Variants in OR1L8 observed in about 807,000 individuals in gnomAD.
OR1L8 encodes the protein olfactory receptor 1L8.
For synonymous variants in OR1L8, 148 were observed against 147.0 expected (o/e 1.01, Z -0.05); for missense variants, 330 against 377.4 (o/e 0.87, Z 1.04).
chr9:122,578,592 T>C (rs898065281), intron 1 of OR1L8, 147 bp from the exon 2 acceptor site: 6 of 152,004 alleles, frequency 3.9e-5, no homozygotes, highest in African/African-American at 1.5e-4. Context: ...AATCGTGATA[T>C]ATACATATAC....
the OR1L8 span, among the ~76,000 whole-genome samples, chr9:122,551,098 T>C: frequency 2.6e-5 from 4 of 152,284 alleles, no homozygotes; most frequent in African/African-American, 9.6e-5. Context: ...ATCAGTAGCA[T>C]TTCTACACAC....
At chr9:122,580,909 A>G (rs1305511357) in intron 1 of OR1L8, among the ~76,000 whole-genome samples, 2 of 152,196 alleles carry the variant, frequency 1.3e-5, no homozygotes, top group Admixed American at 1.3e-4. Flanking sequence ...TTTTAGTAAT[A>G]AGAACACACC....
the OR1L8 span, chr9:122,553,352 C>G: frequency 6.2e-7 from 1 of 1,613,970 alleles, no homozygotes; most frequent in African/African-American, 1.3e-5. Context: ...GGAACCTGCT[C>G]ATTATCCTGG....
the OR1L8 span, among the ~76,000 whole-genome samples, chr9:122,558,520 T>C: frequency 6.6e-6 from 1 of 151,712 alleles, no homozygotes; most frequent in Non-Finnish European, 1.5e-5. Context: ...CTTCATACTT[T>C]CTGCAGTTAG....
At chr9:122,556,479 G>C in the OR1L8 span, among the ~76,000 whole-genome samples, 1 of 151,922 alleles carries the variant, frequency 6.6e-6, no homozygotes, top group Non-Finnish European at 1.5e-5. Context: ...CTTAATTACT[G>C]CAGGCTTACA....
At chr9:122,573,879 C>T (rs112842562) in intron 3 of OR1L8, among the ~76,000 whole-genome samples, 2 of 152,216 alleles carry the variant, frequency 1.3e-5, no homozygotes, top group African/African-American at 4.8e-5. Context: ...AGTTTTGCAT[C>T]TTATATTTAG....
chr9:122,549,617 G>T, the OR1L8 span, among the ~76,000 whole-genome samples: 1 of 152,220 alleles, frequency 6.6e-6, no homozygotes, highest in Non-Finnish European at 1.5e-5. Flanking sequence ...GTTGAATAGG[G>T]TGTCTTTTCC....
At chr9:122,551,220 G>T in the OR1L8 span, among the ~76,000 whole-genome samples, 1 of 152,118 alleles carries the variant, frequency 6.6e-6, no homozygotes, top group Non-Finnish European at 1.5e-5. Context: ...AACCAACAAT[G>T]ATACTAGAAC....
the OR1L8 span, among the ~76,000 whole-genome samples, chr9:122,546,584 C>T: frequency 2.0e-4 from 31 of 152,098 alleles, no homozygotes. Flanking sequence ...ACGGATACAA[C>T]TAGGCTATTT....
At position 122,582,317 on chromosome 9, in the gene OR1L8, C is replaced by T. The variant is rs146300907; in HGVS notation, c.-600+1004G>A. ...AATAAACTAAGAAGAATTTGGTTTA[C>T]GTTGGAATTAGGTAAAAGTAAACAA... On this transcript the variant is annotated intron_variant, in intron 1 of 4. Coordinates refer to ENST00000641027, the MANE Select transcript of OR1L8 (RefSeq NM_001004454.2). Among the ~76,000 whole-genome samples, 345 of 152,186 alleles carry T rather than the reference C, an allele frequency of 2.3e-3. 1 individual carries two copies. Among genetic ancestry groups the T allele is most frequent in the African/African-American group, 7.9e-3 (327 of 41,510 alleles).
At chr9:122,547,615 AG>A in the OR1L8 span, among the ~76,000 whole-genome samples, 2 of 133,570 alleles carry the variant, frequency 1.5e-5, no homozygotes, top group Non-Finnish European at 3.2e-5. Flanking sequence ...GCTGAGTAGT[AG>A]TTCAGTGTGT....
At chr9:122,576,096 G>A (rs1048182483) in intron 3 of OR1L8, among the ~76,000 whole-genome samples, 5 of 152,116 alleles carry the variant, frequency 3.3e-5, no homozygotes, top group African/African-American at 1.2e-4. Context: ...ATATTGTAAG[G>A]CTGAATAAAT....
At chr9:122,547,013 G>A in the OR1L8 span, among the ~76,000 whole-genome samples, 2 of 151,950 alleles carry the variant, frequency 1.3e-5, no homozygotes, top group Non-Finnish European at 2.9e-5. Context: ...GTTAACTATA[G>A]TCATCCTACA....
intron 4 of OR1L8, among the ~76,000 whole-genome samples, chr9:122,571,041 C>A (rs1352357866): frequency 9.2e-5 from 14 of 152,156 alleles, no homozygotes; most frequent in Non-Finnish European, 1.5e-5. Context: ...ACATATCTTA[C>A]AATCGTGCAT....
intron 4 of OR1L8, among the ~76,000 whole-genome samples, chr9:122,570,645 C>T (rs983364157): frequency 5.3e-5 from 8 of 152,164 alleles, no homozygotes; most frequent in African/African-American, 7.2e-5. Flanking sequence ...GCCACCTCAG[C>T]GTCATCGTCC....
chr9:122,563,896 C>T (rs528559537), downstream of OR1L8, among the ~76,000 whole-genome samples: 18 of 152,278 alleles, frequency 1.2e-4, no homozygotes, highest in East Asian at 3.1e-3. Context: ...ATTCTTCACA[C>T]CTTTGTCAAA....
At chr9:122,575,626 T>A (rs1451313237) in intron 3 of OR1L8, among the ~76,000 whole-genome samples, 1 of 152,172 alleles carries the variant, frequency 6.6e-6, no homozygotes, top group Non-Finnish European at 1.5e-5. Context: ...TATCAATTTT[T>A]AAAAACTAAA....
intron 3 of OR1L8, among the ~76,000 whole-genome samples, chr9:122,575,979 G>A (rs778699199): frequency 6.6e-6 from 1 of 152,060 alleles, no homozygotes; most frequent in African/African-American, 2.4e-5. Flanking sequence ...ACATGAGAGT[G>A]TGCAATATTT....
chr9:122,578,172 T>C (rs1433920329), intron 2 of OR1L8, among the ~76,000 whole-genome samples, 152 bp downstream of exon 2: 1 of 152,186 alleles, frequency 6.6e-6, no homozygotes, highest in Non-Finnish European at 1.5e-5. Flanking sequence ...TATACAAGGC[T>C]GAGTGCAGTG....
Sources: gnomAD v4.1 joint callset for allele counts (sites outside exome capture counted in the v4.1 genomes callset) on GRCh38, gnomAD v4.1.1 for gene constraint, MANE v1.5 for transcripts, NCBI Gene and HGNC (gene_info 2026-07-23, HGNC 2026-07-21) for gene names.